Variants in RNLS observed in about 807,000 individuals in gnomAD.
RNLS encodes the protein renalase.
A neutral mutation model predicts 39.8 loss-of-function variants in RNLS; 39 were observed. The ratio of observed to expected loss-of-function variants is 0.98; its 90% confidence interval spans 0.76 to 1.28. RNLS has a LOEUF of 1.28. Among genes scored for constraint, RNLS ranks in the 50% most tolerant of loss-of-function variants. The pLI is 0.00. For missense variants in RNLS, 410 were observed against 413.3 expected, an observed-to-expected ratio of 0.99 and a Z score of 0.07; for synonymous variants, 147 against 150.7, an observed-to-expected ratio of 0.98 and a Z score of 0.18.
chr10:88,485,334 G>A (rs1208874597), intron 4 of RNLS, among the ~76,000 whole-genome samples: 1 of 151,776 alleles, frequency 6.6e-6, no homozygotes, highest in Non-Finnish European at 1.5e-5. Flanking sequence ...ATTGATTTTT[G>A]ACAAAGGCAA....
chr10:88,538,456 T>C (rs1365853800), intron 4 of RNLS, among the ~76,000 whole-genome samples: 1 of 152,166 alleles, frequency 6.6e-6, no homozygotes, highest in Non-Finnish European at 1.5e-5. Flanking sequence ...TGATCACCAT[T>C]TATCTCCCCT....
At chr10:88,421,773 G>T (rs1854422837) in intron 4 of RNLS, among the ~76,000 whole-genome samples, 1 of 152,094 alleles carries the variant, frequency 6.6e-6, no homozygotes, top group African/African-American at 2.4e-5. Flanking sequence ...GATATAACCT[G>T]TTGCTCCAGC....
rs144840237 is a variant in RNLS, at chr10:88,414,726, C to G, written c.527-52001G>C. Among the ~76,000 whole-genome samples, 542 of 152,224 alleles carry G rather than the reference C, an allele frequency of 3.6e-3. 3 individuals carry two copies. Among genetic ancestry groups the G allele is most frequent in the African/African-American group, 0.012 (516 of 41,536 alleles). On this transcript the variant is annotated intron_variant, in intron 4 of 6. Transcript: ENST00000331772. The stretch of plus-strand genomic sequence containing the variant: ...TAGTATTGAGAAAATTTTCTTGCTC[C>G]AGAAATGGTCCGTTCTATCAACCTG...
the RNLS span, among the ~76,000 whole-genome samples, chr10:88,198,981 C>G: frequency 6.6e-6 from 1 of 152,168 alleles, no homozygotes; most frequent in Non-Finnish European, 1.5e-5. Context: ...ATGTCAGCCT[C>G]TCTCCCTGCA....
At chr10:88,463,198 G>A (rs1034744521) in intron 4 of RNLS, among the ~76,000 whole-genome samples, 2 of 152,014 alleles carry the variant, frequency 1.3e-5, no homozygotes, top group Non-Finnish European at 2.9e-5. Context: ...ACTGTCATTA[G>A]TTAAGGTGAG....
chr10:88,235,494 A>G, the RNLS span, among the ~76,000 whole-genome samples: 2 of 152,166 alleles, frequency 1.3e-5, no homozygotes, highest in Admixed American at 6.5e-5. Context: ...TGTGATTTAC[A>G]TGTAATATAT....
intron 6 of RNLS, among the ~76,000 whole-genome samples, chr10:88,292,094 AAC>A (rs1554851358): frequency 6.6e-6 from 1 of 152,054 alleles, no homozygotes; most frequent in Non-Finnish European, 1.5e-5. Flanking sequence ...TAGTACAGTT[AAC>A]ATTCTTCCAG....
chr10:88,450,431 C>T (rs1189723366), intron 4 of RNLS, among the ~76,000 whole-genome samples: 1 of 152,164 alleles, frequency 6.6e-6, no homozygotes, highest in African/African-American at 2.4e-5. Flanking sequence ...GTCAGACTCA[C>T]AGGATTCTTC....
chr10:88,506,004 C>A (rs769542757), intron 4 of RNLS, among the ~76,000 whole-genome samples: 1 of 152,082 alleles, frequency 6.6e-6, no homozygotes, highest in African/African-American at 2.4e-5. Flanking sequence ...AACACAGACC[C>A]CAGGAACTCT....
chr10:88,442,570 T>G (rs1316256233), intron 4 of RNLS, among the ~76,000 whole-genome samples: 1 of 152,218 alleles, frequency 6.6e-6, no homozygotes, highest in Non-Finnish European at 1.5e-5. Context: ...TTTCTGTTTT[T>G]ATTTTACAGG....
chr10:88,511,532 C>T (rs1276188481), intron 4 of RNLS, among the ~76,000 whole-genome samples: 1 of 151,960 alleles, frequency 6.6e-6, no homozygotes, highest in African/African-American at 2.4e-5. Context: ...GTGTTTGGGA[C>T]TTAATGTCCT....
chr10:88,498,332 G>A (rs906787529), intron 4 of RNLS, among the ~76,000 whole-genome samples: 4 of 151,134 alleles, frequency 2.6e-5, no homozygotes, highest in Non-Finnish European at 5.9e-5. Flanking sequence ...TCAAATGAAG[G>A]GCAACTTTGG....
the RNLS span, among the ~76,000 whole-genome samples, chr10:88,241,295 G>C: frequency 2.1e-5 from 3 of 145,986 alleles, no homozygotes; most frequent in Non-Finnish European, 3.0e-5. Flanking sequence ...GTCTTCTTTT[G>C]TGGAATATTT....
chr10:88,245,055 G>A, the RNLS span, among the ~76,000 whole-genome samples: 2 of 151,984 alleles, frequency 1.3e-5, no homozygotes, highest in Admixed American at 1.3e-4. Flanking sequence ...CAGGGTAAAG[G>A]GAGAGAAGAA....
chr10:88,350,873 C>T (rs867739791), intron 5 of RNLS, among the ~76,000 whole-genome samples: 9 of 152,280 alleles, frequency 5.9e-5, no homozygotes, highest in Middle Eastern at 3.4e-3. Flanking sequence ...TCCTATTTCT[C>T]CACATCCTCT....
At chr10:88,176,434 A>T in the RNLS span, among the ~76,000 whole-genome samples, 1 of 152,196 alleles carries the variant, frequency 6.6e-6, no homozygotes, top group Non-Finnish European at 1.5e-5. Context: ...TTAGCCTCCC[A>T]AAGTGCTGGG....
intron 4 of RNLS, among the ~76,000 whole-genome samples, chr10:88,448,600 T>C (rs531692313): frequency 6.6e-6 from 1 of 152,126 alleles, no homozygotes; most frequent in Admixed American, 6.6e-5. Flanking sequence ...GGCGATTTCT[T>C]ACAGATCTAG....
intron 4 of RNLS, among the ~76,000 whole-genome samples, chr10:88,521,448 T>C (rs1467259164): frequency 6.6e-6 from 1 of 152,048 alleles, no homozygotes; most frequent in African/African-American, 2.4e-5. Context: ...ATCAGGGTTA[T>C]ATAATACAAT....
chr10:88,462,427 C>T (rs1267966017), intron 4 of RNLS, among the ~76,000 whole-genome samples: 2 of 151,884 alleles, frequency 1.3e-5, no homozygotes, highest in African/African-American at 2.4e-5. Flanking sequence ...AATTATCTGC[C>T]TCCATCAACT....
Sources: gnomAD v4.1 joint callset for allele counts (sites outside exome capture counted in the v4.1 genomes callset) on GRCh38, gnomAD v4.1.1 for gene constraint, MANE v1.5 for transcripts, NCBI Gene and HGNC (gene_info 2026-07-23, HGNC 2026-07-21) for gene names.